CNNM2: variants seen among roughly 807,000 people sequenced by gnomAD.
The protein encoded by CNNM2 is metal transporter CNNM2.
CNNM2 carries 12 observed loss-of-function variants against 66.9 expected under a neutral mutation model. The observed-to-expected ratio is 0.18, with a 90% confidence interval of 0.11 to 0.29. The LOEUF (loss-of-function observed/expected upper bound fraction) is 0.29. CNNM2 is among the 10% of genes least tolerant of loss of function. CNNM2 has a pLI of 1.00. For missense variants in CNNM2, 705 were observed against 1,167.7 expected (o/e 0.60, Z 5.77); for synonymous variants, 557 against 501.8 (o/e 1.11, Z -1.47).
chr10:103,032,798 T>C (rs2064853894), intron 1 of CNNM2, among the ~76,000 whole-genome samples: 1 of 151,854 alleles, frequency 6.6e-6, no homozygotes, highest in African/African-American at 2.4e-5. Flanking sequence ...CGTGGATGTT[T>C]AGGTGGTGAC....
chr10:103,062,703 G>A (rs2065408300), intron 4 of CNNM2, among the ~76,000 whole-genome samples: 1 of 152,200 alleles, frequency 6.6e-6, no homozygotes. Context: ...CAGCACACCT[G>A]GGCCTTTGTG....
intron 1 of CNNM2, among the ~76,000 whole-genome samples, chr10:102,934,705 G>A (rs1357212796): frequency 6.6e-6 from 1 of 152,154 alleles, no homozygotes; most frequent in African/African-American, 2.4e-5. Context: ...TAAACCAGGT[G>A]TTGTGGCACG....
At chr10:103,030,711 A>C (rs1564852532) in intron 1 of CNNM2, among the ~76,000 whole-genome samples, 5 of 152,114 alleles carry the variant, frequency 3.3e-5, no homozygotes. Flanking sequence ...CCCTCTTGGC[A>C]GGGGGGGAAG....
chr10:103,068,818 C>A, intron 5 of CNNM2, 96 bp downstream of exon 5: 1 of 961,352 alleles, frequency 1.0e-6, no homozygotes, highest in Non-Finnish European at 1.5e-6. Flanking sequence ...CAGCTGACCC[C>A]ATTCACTTCC....
chr10:103,054,529 A>C lies in CNNM2; in HGVS notation c.1903+63A>C. ...CCCTGAAGCGTGTTTCTCACCCACC[A>C]CTGACTGGGGTGGGTTGGGGGTGGA... is the stretch of plus-strand genomic sequence containing the variant. On this transcript the variant is annotated intron_variant, in intron 3 of 7. Transcript: ENST00000369878. The surrounding 1 kb of genome is among the most constrained non-coding windows in gnomAD (Gnocchi z 5.2). The C allele has an allele frequency of 1.9e-6, 3 of 1,538,732 alleles. No individual in the cohort carries two copies. Among genetic ancestry groups the C allele is most frequent in the Non-Finnish European group, 2.7e-6 (3 of 1,122,584 alleles).
At chr10:102,925,296 CAAAAAAAAAAA>C (rs10624810) in intron 1 of CNNM2, among the ~76,000 whole-genome samples, 48 of 17,750 alleles carry the variant, frequency 2.7e-3, no homozygotes, top group African/African-American at 8.7e-3. Flanking sequence ...AACTCCATCT[CAAAAAAAAAAA>C]AAAAAAAAAA....
At chr10:103,045,519 C>A (rs2065112881) in intron 1 of CNNM2, among the ~76,000 whole-genome samples, 1 of 152,078 alleles carries the variant, frequency 6.6e-6, no homozygotes, top group Non-Finnish European at 1.5e-5. Flanking sequence ...TTTAATGTGG[C>A]TGGTTGTATC....
intron 3 of CNNM2, 154 bp from the exon 4 acceptor site, chr10:103,056,641 T>C (rs1418541065): frequency 1.6e-5 from 11 of 681,130 alleles, no homozygotes; most frequent in Non-Finnish European, 2.8e-5. Context: ...CCAGGTAATC[T>C]GTCCCCAGTG....
At chr10:102,986,674 G>A (rs1299974051) in intron 1 of CNNM2, among the ~76,000 whole-genome samples, 1 of 151,710 alleles carries the variant, frequency 6.6e-6, no homozygotes, top group Non-Finnish European at 1.5e-5. Context: ...CAGCTACTTG[G>A]GAGGCTGAGG....
chr10:102,936,533 T>G (rs63284060), intron 1 of CNNM2, among the ~76,000 whole-genome samples: 1 of 140,756 alleles, frequency 7.1e-6, no homozygotes, highest in Non-Finnish European at 1.6e-5. Context: ...TTTTTTTTTT[T>G]GGTGCAATGG....
Position 103,085,811 on chromosome 10 carries a change from A to G in CNNM2, c.*8631A>G, listed in dbSNP as rs377607691. On this transcript the variant is annotated 3_prime_UTR_variant, in exon 8 of 8. Coordinates refer to ENST00000369878, the MANE Select transcript of CNNM2 (RefSeq NM_017649.5). ...GTATATATTTTATTTTTGAGATCAC[A>G]TACCTTTGTTGGAATGAATCAGACT... 1.3e-5 allele frequency: 2 copies of G among 152,310 alleles called. No individual in the cohort carries two copies. The highest frequency in any genetic ancestry group is 2.1e-4 in the South Asian group (1 of 4,830). 9.4% of individuals were successfully genotyped at this position (152,310 alleles called of 1,614,324 possible).
At chr10:103,009,674 C>CAAAAAAAAA (rs36096913) in intron 1 of CNNM2, among the ~76,000 whole-genome samples, 1 of 58,636 alleles carries the variant, frequency 1.7e-5, no homozygotes, top group Non-Finnish European at 3.1e-5. Context: ...CCTGAGTCTC[C>CAAAAAAAAA]AAAAAAAAAA....
At chr10:102,970,175 G>A (rs1047451191) in intron 1 of CNNM2, among the ~76,000 whole-genome samples, 4 of 152,190 alleles carry the variant, frequency 2.6e-5, no homozygotes, top group African/African-American at 9.6e-5. Flanking sequence ...TTTTAGCCAG[G>A]TGTGGTGGTG....
Position 103,071,888 on chromosome 10 carries a change from C to T in CNNM2, c.2233+49C>T, listed in dbSNP as rs752157258. 6 of 1,531,474 alleles carry T rather than the reference C, an allele frequency of 3.9e-6. No homozygotes were observed. In the African/African-American group the frequency reaches 6.8e-5, roughly 17 times the overall value. The allele number at this position is 1,531,474 out of a possible 1,614,324, so 94.9% of individuals were successfully genotyped here. ...GTAATTCTCCTGATTGCCTTCCTTG[C>T]CCCCCATCACGCCTGGCTGGCTGGG... On this transcript the variant is annotated intron_variant, in intron 6 of 7. Coordinates refer to ENST00000369878, the MANE Select transcript of CNNM2 (RefSeq NM_017649.5).
chr10:103,076,392 G>T, intron 7 of CNNM2, 122 bp downstream of exon 7: 3 of 962,860 alleles, frequency 3.1e-6, no homozygotes, highest in Non-Finnish European at 4.7e-6. Flanking sequence ...TGGGTGCCCT[G>T]CCTTCCATTC....
intron 6 of CNNM2, among the ~76,000 whole-genome samples, chr10:103,073,933 T>C (rs990577221): frequency 5.4e-5 from 8 of 146,838 alleles, no homozygotes; most frequent in African/African-American, 1.8e-4. Flanking sequence ...ATGGGGTACC[T>C]ACTGTTGTCA....
chr10:103,013,962 T>A (rs1002538926), intron 1 of CNNM2, among the ~76,000 whole-genome samples: 1 of 152,132 alleles, frequency 6.6e-6, no homozygotes, highest in African/African-American at 2.4e-5. Context: ...CAGTAGAAAT[T>A]CCCTTAAGAC....
intron 1 of CNNM2, among the ~76,000 whole-genome samples, chr10:103,026,189 T>C (rs2064699434): frequency 3.3e-5 from 5 of 152,354 alleles, no homozygotes; most frequent in African/African-American, 4.8e-5. Context: ...TCTTGGGTAT[T>C]GTGATGTAGC....
chr10:102,957,655 G>T (rs906589528), intron 1 of CNNM2, among the ~76,000 whole-genome samples: 3 of 152,166 alleles, frequency 2.0e-5, no homozygotes, highest in East Asian at 3.9e-4. Flanking sequence ...TTCCTTCCAC[G>T]TCCAAGGTCC....
Sources: gnomAD v4.1 joint callset for allele counts (sites outside exome capture counted in the v4.1 genomes callset) on GRCh38, gnomAD v4.1.1 for gene constraint, Gnocchi (gnomAD v3.1) non-coding constraint, MANE v1.5 for transcripts, NCBI Gene and HGNC (gene_info 2026-07-23, HGNC 2026-07-21) for gene names.